Variants in IL17RC observed in about 807,000 individuals in gnomAD.
IL17RC encodes interleukin 17 receptor C, also known as interleukin-17 receptor C.
IL17RC carries 53 observed loss-of-function variants against 86.7 expected under a neutral mutation model. The ratio of observed to expected loss-of-function variants is 0.61; its 90% CI spans 0.49 to 0.77. The LOEUF (loss-of-function observed/expected upper bound fraction) is 0.77, where lower values mean the gene tolerates loss of function less well. Ranked by LOEUF, IL17RC falls within the 30% of genes least tolerant of loss-of-function variation. The pLI is 0.00. For missense variants in IL17RC, 957 were observed against 940.0 expected (o/e 1.02, Z -0.24); for synonymous variants, 439 against 413.1 (o/e 1.06, Z -0.76).
chr3:9,917,965 C>T lies in IL17RC; in HGVS notation c.170C>T (p.Pro57Leu), dbSNP rs1475549372. 17 of 1,613,616 alleles carry T rather than the reference C, an allele frequency of 1.1e-5. No homozygotes were observed. Among genetic ancestry groups the T allele is most frequent in the Non-Finnish European group, 1.0e-5 (12 of 1,180,030 alleles). The change falls in exon 3 of 19, where the codon CCG (proline) becomes CTG (leucine). Residue 57 changes from proline (P) to leucine (L), a missense_variant. Physicochemically the swap from Pro to Leu is moderately conservative, Grantham distance 98. Transcript: ENST00000403601. ...LCLPGDIVPA[P>L]GPVLAPTHLQ... Reference sequence around the variant, plus strand: ...CTGCCTGGGGACATCGTGCCTGCTCCGGGCCCCGTGCTGGCGCCTACGCAC... The same window carrying T: ...CTGCCTGGGGACATCGTGCCTGCTCTGGGCCCCGTGCTGGCGCCTACGCAC...
rs756078603 is a variant in IL17RC at position 9,920,964 on chromosome 3, G to C, written c.617G>C (p.Cys206Ser). ...GAAGTCTGGAACAGCATCCCGAGCT[G>C]CTGGGGTAGGGGCTAGGGCCAGTGG... ...GLEVWNSIPS[C>S]WALPWLNVSA... Residue 206 changes from cysteine (C) to serine (S), a missense_variant, in exon 7 of 19, where the codon TGC becomes TCC. Transcript: ENST00000403601. The C allele has an allele frequency of 1.8e-5, 29 of 1,593,464 alleles. No homozygotes were observed. The highest frequency in any genetic ancestry group is 2.2e-5 in the Non-Finnish European group (26 of 1,172,728).
At chr3:9,926,103 G>A (rs1284657194) in intron 9 of IL17RC, among the ~76,000 whole-genome samples, 2 of 148,752 alleles carry the variant, frequency 1.3e-5, no homozygotes, top group Admixed American at 6.8e-5. Flanking sequence ...GCGTGATCTC[G>A]GCTCACTGCA....
intron 7 of IL17RC, among the ~76,000 whole-genome samples, chr3:9,922,197 C>G (rs1369464893): frequency 6.7e-6 from 1 of 149,146 alleles, no homozygotes; most frequent in South Asian, 2.1e-4. Flanking sequence ...GTGATCCTCC[C>G]ACCTCGGCCT....
rs2083142843 is a variant in IL17RC, at chr3:9,917,114, G to C, written c.-202G>C. The C allele has an allele frequency of 3.4e-6, 2 of 583,528 alleles. No homozygotes were observed. Among genetic ancestry groups the C allele is most frequent in the African/African-American group, 3.7e-5 (2 of 53,622 alleles). The allele number at this position is 583,528 out of a possible 1,614,324, so 36.1% of individuals were successfully genotyped here. On this transcript the variant is annotated 5_prime_UTR_variant, in exon 1 of 19. Transcript: ENST00000403601. ...CCGGGAGCCAAAACGAAAGCACTCC[G>C]TGCTGGAAGTAGGAGGAGAGTCAGG...
Position 9,930,229 on chromosome 3 carries a change from C to A in IL17RC, c.1278+80C>A. On this transcript the variant is annotated intron_variant, in intron 14 of 18. Transcript: ENST00000403601. The surrounding 1 kb of genome is among the most constrained non-coding windows in gnomAD (Gnocchi z 5.8). ...GCCTCAAATTTTCACTCCATCCACC[C>A]TGTGCCGGTCTCTGGGAACATGGGG... 1 of 1,582,008 alleles carries A rather than the reference C, an allele frequency of 6.3e-7. No homozygotes were observed. Among genetic ancestry groups the A allele is most frequent in the Non-Finnish European group, 8.6e-7 (1 of 1,157,106 alleles).
At chr3:9,929,934 C>G (rs750100235) in intron 13 of IL17RC, 37 bp downstream of exon 13, 3 of 1,613,832 alleles carry the variant, frequency 1.9e-6, no homozygotes, top group Non-Finnish European at 2.5e-6. Context: ...GCAGGGCCAC[C>G]TCCTAGGGGT....
intron 16 of IL17RC, 65 bp downstream of exon 16, chr3:9,931,008 C>A: frequency 7.8e-7 from 1 of 1,287,664 alleles, no homozygotes; most frequent in Non-Finnish European, 1.1e-6. Flanking sequence ...AGGGACCACT[C>A]TTGGGCACAG....
At chr3:9,922,551 C>T (rs1352907707) in intron 7 of IL17RC, among the ~76,000 whole-genome samples, 3 of 152,134 alleles carry the variant, frequency 2.0e-5, no homozygotes, top group African/African-American at 7.2e-5. Context: ...CCAGGCAAAT[C>T]CCTGGACACT....
At chr3:9,925,946 A>G (rs2084027546) in intron 9 of IL17RC, among the ~76,000 whole-genome samples, 1 of 150,098 alleles carries the variant, frequency 6.7e-6, no homozygotes, top group South Asian at 2.1e-4. Flanking sequence ...TGCAGCCCCA[A>G]GCTCCCAGGT....
At chr3:9,921,524 T>G (rs999398822) in intron 7 of IL17RC, among the ~76,000 whole-genome samples, 2 of 152,142 alleles carry the variant, frequency 1.3e-5, no homozygotes, top group African/African-American at 4.8e-5. Flanking sequence ...AGGGTCTAAC[T>G]TTTTTCCCAC....
At position 9,924,893 on chromosome 3, in the gene IL17RC, A is replaced by G. The variant is rs1470853024; in HGVS notation, c.822+602A>G. Among the ~76,000 whole-genome samples the G allele has an allele frequency of 2.0e-5, 3 of 151,202 alleles. No individual in the cohort carries two copies. In the East Asian group the frequency reaches 5.9e-4, roughly 30 times the overall value. The stretch of plus-strand genomic sequence containing the variant: ...CATGGCACACTGCAGCCTCAGCCCC[A>G]TGGGCTCAAGTGATCCTCCTGTCTC... On this transcript the variant is annotated intron_variant, in intron 9 of 18. Transcript: ENST00000403601.
intron 9 of IL17RC, 69 bp downstream of exon 9, chr3:9,924,360 T>C: frequency 6.8e-7 from 1 of 1,478,288 alleles, no homozygotes; most frequent in Non-Finnish European, 9.4e-7. Flanking sequence ...ATCCCTGCCT[T>C]CCTGGTCTCA....
chr3:9,925,501 C>T (rs373711690), intron 9 of IL17RC, among the ~76,000 whole-genome samples: 6 of 152,096 alleles, frequency 3.9e-5, no homozygotes, highest in African/African-American at 1.4e-4. Context: ...CCCTCCTCTC[C>T]ATCTCAGTCC....
Position 9,917,113 on chromosome 3 carries a change from C to G in IL17RC, c.-203C>G, listed in dbSNP as rs976940908. On this transcript the variant is annotated 5_prime_UTR_variant, in exon 1 of 19. Transcript: ENST00000403601. ...GCCGGGAGCCAAAACGAAAGCACTCCGTGCTGGAAGTAGGAGGAGAGTCAG... is the reference window on the plus strand; with the variant it reads ...GCCGGGAGCCAAAACGAAAGCACTCGGTGCTGGAAGTAGGAGGAGAGTCAG... 1.0e-5 allele frequency: 6 copies of G among 579,492 alleles called. No individual in the cohort carries two copies. Among genetic ancestry groups the G allele is most frequent in the Admixed American group, 9.0e-5 (3 of 33,284 alleles). The allele number at this position is 579,492 out of a possible 1,614,324, so 35.9% of individuals were successfully genotyped here.
chr3:9,930,846 T>A lies in IL17RC; in HGVS notation c.1339-49T>A. 1.9e-6 allele frequency: 3 copies of A among 1,555,758 alleles called. No homozygotes were observed. The highest frequency in any genetic ancestry group is 2.7e-6 in the Non-Finnish European group (3 of 1,126,858). On this transcript the variant is annotated intron_variant, in intron 15 of 18. Coordinates refer to ENST00000403601, the MANE Select transcript of IL17RC (RefSeq NM_153460.4). This position sits in a 1 kb window ranked among gnomAD's most constrained non-coding sequence, Gnocchi z 5.8. The stretch of plus-strand genomic sequence containing the variant: ...CAGGCCACCAGAGCTTGGTGAATAT[T>A]GGAACACCTGGCTGGTGCCCTGGAT...
intron 7 of IL17RC, among the ~76,000 whole-genome samples, chr3:9,923,222 G>T (rs866265696): frequency 6.7e-6 from 1 of 148,924 alleles, no homozygotes; most frequent in Non-Finnish European, 1.5e-5. Context: ...CAGTAAGGAG[G>T]TCCTTAATAA....
chr3:9,929,485 A>G, intron 12 of IL17RC: 2 of 292,822 alleles, frequency 6.8e-6, no homozygotes, highest in Non-Finnish European at 1.3e-5. Flanking sequence ...ATCATATAGT[A>G]TCTTAAAATT....
intron 6 of IL17RC, 119 bp downstream of exon 6, chr3:9,920,721 C>A (rs1575535020): frequency 1.2e-6 from 1 of 804,108 alleles, no homozygotes; most frequent in East Asian, 2.7e-5. Context: ...CTGCTATCCT[C>A]CCCAGAGTCA....
chr3:9,928,602 T>C lies in IL17RC; in HGVS notation c.1082T>C (p.Leu361Pro). ...CAGAAGGTTCTCGAGTTCCCATTGC[T>C]GAAAGGCCACCCTAACCTCTGTGTT... ...TVDKVLEFPL[L>P]KGHPNLCVQV... Residue 361 changes from leucine (L) to proline (P), a missense_variant, in exon 12 of 19, where the codon CTG (leucine) becomes CCG (proline). Leu to Pro is a moderately conservative substitution (Grantham distance 98). Transcript: ENST00000403601. The C allele has an allele frequency of 6.2e-7, 1 of 1,613,770 alleles. No individual in the cohort carries two copies. The highest frequency in any genetic ancestry group is 8.5e-7 in the Non-Finnish European group (1 of 1,180,016).
Sources: gnomAD v4.1 joint callset for allele counts (sites outside exome capture counted in the v4.1 genomes callset) on GRCh38, gnomAD v4.1.1 for gene constraint, Gnocchi (gnomAD v3.1) non-coding constraint, MANE v1.5 for transcripts, NCBI Gene and HGNC (gene_info 2026-07-23, HGNC 2026-07-21) for gene names.